FHIT: variants seen among roughly 807,000 people sequenced by gnomAD.
FHIT encodes bis(5'-adenosyl)-triphosphatase.
Under a neutral mutation model 17.9 loss-of-function variants are expected in FHIT, and 19 were observed. The observed-to-expected ratio is 1.06, with a 90% confidence interval of 0.74 to 1.56. The LOEUF is 1.56. FHIT is among the 40% of genes most tolerant of loss of function. The probability of loss-of-function intolerance (pLI) is 0.00; values close to 1 mark genes in which losing one functional copy is unlikely to be tolerated. For missense variants in FHIT, 248 were observed against 189.2 expected, an observed-to-expected ratio of 1.31 and a Z score of -1.82; for synonymous variants, 81 against 69.7, an observed-to-expected ratio of 1.16 and a Z score of -0.81.
At chr3:60,217,843 T>C (rs1013417444) in intron 5 of FHIT, among the ~76,000 whole-genome samples, 2 of 152,220 alleles carry the variant, frequency 1.3e-5, no homozygotes, top group Non-Finnish European at 2.9e-5. Context: ...GGAATTACTC[T>C]GCAATCAACT....
At chr3:60,934,416 A>C (rs1362429357) in intron 3 of FHIT, among the ~76,000 whole-genome samples, 2 of 152,320 alleles carry the variant, frequency 1.3e-5, no homozygotes, top group East Asian at 3.9e-4. Flanking sequence ...TTAGCCATTG[A>C]TGAGGTTTCC....
Position 59,894,859 on chromosome 3 carries a change from A to C in FHIT, c.348+27487T>G, listed in dbSNP as rs1704001327. 2.0e-5 allele frequency among the ~76,000 whole-genome samples: 3 copies of C among 152,222 alleles called. No homozygotes were observed. In the South Asian group the frequency reaches 6.2e-4, roughly 32 times the overall value. ...AAAAGGAAACCTTGGTTTCATCCCA[A>C]GTGCTACCAGCTGCTTTCACATATT... On this transcript the variant is annotated intron_variant, in intron 8 of 9. Coordinates refer to ENST00000492590, the MANE Select transcript of FHIT (RefSeq NM_002012.4).
At chr3:59,976,427 C>T (rs563427080) in intron 7 of FHIT, among the ~76,000 whole-genome samples, 3 of 151,832 alleles carry the variant, frequency 2.0e-5, no homozygotes, top group Admixed American at 2.0e-4. Flanking sequence ...ACAAATAACA[C>T]CTCAAATAAT....
intron 5 of FHIT, among the ~76,000 whole-genome samples, chr3:60,155,298 A>T (rs937328514): frequency 6.6e-6 from 1 of 151,974 alleles, no homozygotes; most frequent in Non-Finnish European, 1.5e-5. Context: ...TGTACTTTCC[A>T]TTCTTTGAAC....
intron 3 of FHIT, among the ~76,000 whole-genome samples, chr3:60,911,494 A>G (rs540765462): frequency 6.6e-6 from 1 of 152,252 alleles, no homozygotes; most frequent in East Asian, 1.9e-4. Context: ...AGCTAAACAA[A>G]GCCTCCTGGC....
At position 60,201,848 on chromosome 3, in the gene FHIT, GAA is replaced by G. The variant is rs5849343; in HGVS notation, c.104-187698_104-187697del. 6.3e-3 allele frequency among the ~76,000 whole-genome samples: 936 copies of G among 147,824 alleles called. 10 individuals are homozygous for G. The highest frequency in any genetic ancestry group is 0.047 in the South Asian group (219 of 4,674). On this transcript the variant is annotated intron_variant, in intron 5 of 9. Transcript: ENST00000492590. The stretch of plus-strand genomic sequence containing the variant: ...TAAACTTCTTTTGGAGTCTCAGGGA[GAA>G]AAAAAAAAAAATAGAATGCTTTAGA...
chr3:60,320,813 TA>T (rs1709392944), intron 5 of FHIT, among the ~76,000 whole-genome samples: 1 of 152,228 alleles, frequency 6.6e-6, no homozygotes, highest in Admixed American at 6.5e-5. Flanking sequence ...AACATATTAA[TA>T]TTTTAATCTT....
chr3:60,434,924 G>A (rs1310969872), intron 5 of FHIT, among the ~76,000 whole-genome samples: 1 of 152,094 alleles, frequency 6.6e-6, no homozygotes, highest in East Asian at 1.9e-4. Context: ...TTAAACCAAA[G>A]AAAACAGGTA....
At chr3:60,511,187 T>C (rs1273160614) in intron 5 of FHIT, among the ~76,000 whole-genome samples, 2 of 152,156 alleles carry the variant, frequency 1.3e-5, no homozygotes, top group Non-Finnish European at 2.9e-5. Flanking sequence ...ATATTAACTA[T>C]CTTAAAGGGT....
intron 2 of FHIT, among the ~76,000 whole-genome samples, chr3:61,086,040 T>C (rs756349702): frequency 3.9e-5 from 6 of 152,302 alleles, no homozygotes; most frequent in Admixed American, 6.5e-5. Flanking sequence ...TACATAATTA[T>C]ATGTTCTGCA....
intron 4 of FHIT, among the ~76,000 whole-genome samples, chr3:60,759,306 G>A (rs996811467): frequency 3.3e-5 from 5 of 152,198 alleles, no homozygotes; most frequent in Admixed American, 1.3e-4. Flanking sequence ...AAAGTCTAGA[G>A]CAAAGATGGT....
At chr3:60,863,301 A>AAGTTGG (rs1704005270) in intron 3 of FHIT, among the ~76,000 whole-genome samples, 1 of 152,094 alleles carries the variant, frequency 6.6e-6, no homozygotes, top group Non-Finnish European at 1.5e-5. Flanking sequence ...ACGAGTTTGG[A>AAGTTGG]AGTTGGTTTT....
chr3:60,442,127 T>A (rs577252223), intron 5 of FHIT, among the ~76,000 whole-genome samples: 4 of 151,920 alleles, frequency 2.6e-5, no homozygotes, highest in Non-Finnish European at 5.9e-5. Flanking sequence ...CCCAAAGCAC[T>A]GGGATTGCAG....
intron 8 of FHIT, among the ~76,000 whole-genome samples, chr3:59,877,319 G>GA (rs1236788763): frequency 1.3e-5 from 2 of 152,166 alleles, no homozygotes; most frequent in African/African-American, 4.8e-5. Flanking sequence ...TAAAGCCATT[G>GA]AAAAATGGTT....
At chr3:59,953,467 T>C (rs777168438) in intron 7 of FHIT, among the ~76,000 whole-genome samples, 37 of 152,138 alleles carry the variant, frequency 2.4e-4, no homozygotes, top group Non-Finnish European at 4.6e-4. Context: ...CCCGGCCAGG[T>C]ATGCCAGCGC....
chr3:59,751,195 C>G (rs1243032747), intron 9 of FHIT: 1 of 177,506 alleles, frequency 5.6e-6, no homozygotes, highest in African/African-American at 2.4e-5. Flanking sequence ...CATGGTAACC[C>G]TATATTTATA....
chr3:60,255,623 C>T lies in FHIT; in HGVS notation c.104-241471G>A, dbSNP rs370754484. Among the ~76,000 whole-genome samples, 13 of 151,978 alleles carry T rather than the reference C, an allele frequency of 8.6e-5. No individual in the cohort carries two copies. In the South Asian group the frequency reaches 2.7e-3, roughly 32 times the overall value. On this transcript the variant is annotated intron_variant, in intron 5 of 9. Transcript: ENST00000492590. ...TCTAACTTTCCTATGTGAAATGTCC[C>T]AATAAAAATTTCGGTGGCTAGTTTA... is the stretch of plus-strand genomic sequence containing the variant.
At chr3:59,983,057 G>C (rs1403267931) in intron 7 of FHIT, among the ~76,000 whole-genome samples, 2 of 151,848 alleles carry the variant, frequency 1.3e-5, no homozygotes, top group African/African-American at 2.4e-5. Flanking sequence ...TCCCACCTCA[G>C]TCTTCCAAGT....
At chr3:60,180,495 G>A (rs1701881016) in intron 5 of FHIT, among the ~76,000 whole-genome samples, 1 of 152,158 alleles carries the variant, frequency 6.6e-6, no homozygotes, top group Non-Finnish European at 1.5e-5. Context: ...AAATCGAGCA[G>A]AGACTGGATC....
Sources: allele counts gnomAD v4.1 joint callset (sites outside exome capture counted in the v4.1 genomes callset), GRCh38; gene constraint gnomAD v4.1.1; transcripts MANE v1.5; gene names NCBI Gene and HGNC (gene_info 2026-07-23, HGNC 2026-07-21).